GPHN: variants seen among roughly 807,000 people sequenced by gnomAD.
GPHN encodes the protein gephyrin.
In GPHN, 17 loss-of-function variants were observed where a neutral mutation model predicts 95.5. The ratio of observed to expected loss-of-function variants is 0.18; its 90% CI spans 0.12 to 0.27. The LOEUF is 0.27. GPHN is among the 10% of genes least tolerant of loss of function. GPHN has a pLI of 1.00. For synonymous variants in GPHN, 320 were observed against 322.5 expected (o/e 0.99, Z 0.08); for missense variants, 660 against 978.1 (o/e 0.67, Z 4.34).
intron 1 of GPHN, among the ~76,000 whole-genome samples, chr14:66,648,774 TTAAATACCAAAA>T (rs2064887014): frequency 6.6e-6 from 1 of 152,148 alleles, no homozygotes; most frequent in East Asian, 1.9e-4. Context: ...TAGAAGGTGA[TTAAATACCAAAA>T]TAAATGAAAA....
At chr14:66,784,937 A>G (rs76539842) in intron 3 of GPHN, among the ~76,000 whole-genome samples, 4,826 of 152,334 alleles carry the variant, frequency 0.032, 100 homozygotes, top group Middle Eastern at 0.13. Flanking sequence ...TTTTGACAGA[A>G]TGGATTTTTA....
At chr14:66,897,351 A>G (rs2064904819) in intron 5 of GPHN, among the ~76,000 whole-genome samples, 1 of 152,058 alleles carries the variant, frequency 6.6e-6, no homozygotes, top group Non-Finnish European at 1.5e-5. Context: ...TTAGATATAT[A>G]CCCAGTAGTG....
intron 4 of GPHN, among the ~76,000 whole-genome samples, chr14:66,835,344 T>C (rs1461830155): frequency 6.6e-6 from 1 of 151,880 alleles, no homozygotes; most frequent in African/African-American, 2.4e-5. Flanking sequence ...TTAATTGTGA[T>C]GTGAGGGTGT....
At chr14:67,456,029 A>T in the GPHN span, among the ~76,000 whole-genome samples, 1 of 152,216 alleles carries the variant, frequency 6.6e-6, no homozygotes, top group East Asian at 1.9e-4. Flanking sequence ...GTAAACAGAC[A>T]ATCTACAGAA....
At chr14:66,749,132 T>C (rs1464772642) in intron 2 of GPHN, among the ~76,000 whole-genome samples, 2 of 152,008 alleles carry the variant, frequency 1.3e-5, no homozygotes, top group African/African-American at 4.8e-5. Flanking sequence ...GATAGGCTTC[T>C]TTTAGTTAGT....
At chr14:66,866,608 T>C (rs1282011449) in intron 4 of GPHN, among the ~76,000 whole-genome samples, 1 of 152,158 alleles carries the variant, frequency 6.6e-6, no homozygotes, top group Non-Finnish European at 1.5e-5. Flanking sequence ...TGTACTTGAG[T>C]TGGTTCTTGA....
At chr14:67,194,518 T>C in the GPHN span, among the ~76,000 whole-genome samples, 32 of 152,070 alleles carry the variant, frequency 2.1e-4, no homozygotes, top group Non-Finnish European at 4.3e-4. Flanking sequence ...CTATTTTTTT[T>C]CCCCCAAGAC....
At chr14:67,645,522 T>C in the GPHN span, 1 of 1,113,002 alleles carries the variant, frequency 9.0e-7, no homozygotes, top group South Asian at 1.7e-5. Flanking sequence ...CCAAACCCAG[T>C]CTCCATCTAG....
intron 1 of GPHN, among the ~76,000 whole-genome samples, chr14:66,528,777 T>C (rs1030127550): frequency 3.3e-5 from 5 of 152,184 alleles, no homozygotes; most frequent in Non-Finnish European, 7.4e-5. Context: ...TCTGTAAGAG[T>C]GTAGACTATT....
chr14:67,402,242 T>C, the GPHN span, among the ~76,000 whole-genome samples: 1 of 152,252 alleles, frequency 6.6e-6, no homozygotes, highest in Non-Finnish European at 1.5e-5. Context: ...GTCAATTCCA[T>C]GCATGGGGCA....
intron 8 of GPHN, among the ~76,000 whole-genome samples, chr14:66,961,037 A>C (rs981994923): frequency 6.6e-6 from 1 of 152,112 alleles, no homozygotes; most frequent in Admixed American, 6.6e-5. Context: ...GTTAAGTGAA[A>C]TAAAGGCAGG....
At chr14:67,436,827 G>A in the GPHN span, among the ~76,000 whole-genome samples, 54 of 152,320 alleles carry the variant, frequency 3.5e-4, no homozygotes, top group African/African-American at 1.1e-3. Context: ...AGGCTGAGAT[G>A]GGAGGATCAC....
At chr14:67,320,262 G>A in the GPHN span, 505 of 1,613,300 alleles carry the variant, frequency 3.1e-4, 5 homozygotes, top group African/African-American at 6.1e-3. Context: ...AACCTATGAG[G>A]AAATGTCACT....
intron 5 of GPHN, among the ~76,000 whole-genome samples, chr14:66,899,202 T>C (rs2065013939): frequency 6.6e-6 from 1 of 151,476 alleles, no homozygotes; most frequent in African/African-American, 2.4e-5. Flanking sequence ...GACAATCACA[T>C]CATCTGCAAA....
At chr14:66,774,084 A>C (rs1295736082) in intron 2 of GPHN, among the ~76,000 whole-genome samples, 1 of 135,810 alleles carries the variant, frequency 7.4e-6, no homozygotes. Context: ...GCTCACTGCA[A>C]CTCCGCCTCC....
intron 11 of GPHN, among the ~76,000 whole-genome samples, chr14:67,085,361 C>G (rs545322310): frequency 6.6e-6 from 1 of 152,308 alleles, no homozygotes; most frequent in Admixed American, 6.5e-5. Context: ...GTCAGTGAGA[C>G]CTTACTCCAC....
the GPHN span, among the ~76,000 whole-genome samples, chr14:67,451,686 C>T: frequency 3.3e-5 from 5 of 152,156 alleles, no homozygotes; most frequent in East Asian, 9.6e-4. Flanking sequence ...TAGGAAGTAA[C>T]TTACTTGCTT....
At chr14:67,695,650 A>G in the GPHN span, 1 of 1,614,196 alleles carries the variant, frequency 6.2e-7, no homozygotes, top group East Asian at 2.2e-5. Flanking sequence ...GCGCAGCCAT[A>G]TACAGAAGGA....
At chr14:67,437,198 G>A in the GPHN span, among the ~76,000 whole-genome samples, 1 of 152,182 alleles carries the variant, frequency 6.6e-6, no homozygotes, top group Non-Finnish European at 1.5e-5. Context: ...TGCTGTGCTG[G>A]GAAGCTACAA....
Sources: allele counts gnomAD v4.1 joint callset (sites outside exome capture counted in the v4.1 genomes callset), GRCh38; gene constraint gnomAD v4.1.1; transcripts MANE v1.5; gene names NCBI Gene and HGNC (gene_info 2026-07-23, HGNC 2026-07-21).